ZNF704: variants seen among roughly 807,000 people sequenced by gnomAD.
ZNF704 encodes the protein zinc finger protein 704.
Under a neutral mutation model 44.7 loss-of-function variants are expected in ZNF704, and 10 were observed. That is an observed-to-expected ratio of 0.22 (90% CI 0.14 to 0.38). ZNF704 has a LOEUF of 0.38. ZNF704 is among the 10% of genes least tolerant of loss of function. ZNF704 has a pLI of 1.00. For missense variants in ZNF704, 390 were observed against 545.5 expected (o/e 0.71, Z 2.84); for synonymous variants, 211 against 207.6 (o/e 1.02, Z -0.14).
chr8:80,665,099 T>C lies in ZNF704; in HGVS notation c.660-17A>G, dbSNP rs2131610409. 6.2e-7 allele frequency: 1 copy of C among 1,611,828 alleles called. No individual in the cohort carries two copies. The highest frequency in any genetic ancestry group is 8.5e-7 in the Non-Finnish European group (1 of 1,178,112). ...CCAACGCGCCTAATGCAAAAGAGAG[T>C]AAAACAATCATACTAAGCCAATCTG... On this transcript the variant is annotated splice_polypyrimidine_tract_variant and intron_variant, in intron 5 of 8. Transcript: ENST00000327835.
chr8:80,876,855 A>T (rs1194346966), upstream of ZNF704, among the ~76,000 whole-genome samples: 3 of 152,206 alleles, frequency 2.0e-5, no homozygotes, highest in Non-Finnish European at 4.4e-5. Flanking sequence ...AAGCTCAGTA[A>T]TGTCAGTAAC....
At chr8:80,702,184 C>A (rs925054631) in intron 2 of ZNF704, among the ~76,000 whole-genome samples, 3 of 152,066 alleles carry the variant, frequency 2.0e-5, no homozygotes, top group Non-Finnish European at 4.4e-5. Flanking sequence ...GTGAGGAGAA[C>A]AAAGATGGGC....
intron 1 of ZNF704, among the ~76,000 whole-genome samples, chr8:80,850,161 AT>A (rs1275370471): frequency 1.3e-5 from 2 of 152,176 alleles, no homozygotes; most frequent in Non-Finnish European, 2.9e-5. Context: ...ATTATGGTTC[AT>A]TTTAAAAATT....
At position 80,874,283 on chromosome 8, in the gene ZNF704, G is replaced by A. The variant is rs1809321782; in HGVS notation, c.-22+288C>T. 6.9e-6 allele frequency among the ~76,000 whole-genome samples: 1 copy of A among 144,958 alleles called. No homozygotes were observed. Among genetic ancestry groups the A allele is most frequent in the Non-Finnish European group, 1.5e-5 (1 of 65,320 alleles). The stretch of plus-strand genomic sequence containing the variant: ...TACGGCGGGGCGGCGCGGCGGCCGC[G>A]GGCGGGGGTGGGTGTGAGCGAGCGG... On this transcript the variant is annotated intron_variant, in intron 1 of 8. Transcript: ENST00000327835. This position sits in a 1 kb window ranked among gnomAD's most constrained non-coding sequence, Gnocchi z 4.4.
chr8:80,756,981 A>G (rs1254931988), intron 2 of ZNF704, among the ~76,000 whole-genome samples: 1 of 152,232 alleles, frequency 6.6e-6, no homozygotes, highest in Non-Finnish European at 1.5e-5. Context: ...GTCCTTCCAT[A>G]TGCAGTCATG....
intron 2 of ZNF704, among the ~76,000 whole-genome samples, chr8:80,711,895 G>A (rs946032015): frequency 6.6e-6 from 1 of 152,318 alleles, no homozygotes; most frequent in African/African-American, 2.4e-5. Context: ...ATAGTATCTA[G>A]CAGGACAGAC....
chr8:80,805,756 T>C (rs1027416610), intron 2 of ZNF704, among the ~76,000 whole-genome samples: 1 of 152,190 alleles, frequency 6.6e-6, no homozygotes, highest in Admixed American at 6.5e-5. Flanking sequence ...AAAAGTGCCC[T>C]GTTATTTCCT....
At chr8:80,657,706 AAAAAG>A (rs1470557719) in intron 7 of ZNF704, among the ~76,000 whole-genome samples, 1 of 152,036 alleles carries the variant, frequency 6.6e-6, no homozygotes, top group African/African-American at 2.4e-5. Flanking sequence ...AAAAAAAAAA[AAAAAG>A]CTCACATAGG....
At chr8:80,684,421 A>T (rs1005914101) in intron 4 of ZNF704, among the ~76,000 whole-genome samples, 1 of 152,228 alleles carries the variant, frequency 6.6e-6, no homozygotes, top group Non-Finnish European at 1.5e-5. Flanking sequence ...ATTGATTCAC[A>T]ACCCTCTGGT....
At position 80,632,294 on chromosome 8, in the gene ZNF704, G is replaced by C. The variant is rs1278839633; in HGVS notation, c.*9072C>G. The stretch of plus-strand genomic sequence containing the variant: ...CCTGCCTCAGCCTCTCAAGTAGCTG[G>C]AATTACAGGTGTGCGCCACCACGCC... On this transcript the variant is annotated 3_prime_UTR_variant, in exon 9 of 9. Transcript: ENST00000327835. 1.3e-5 allele frequency: 2 copies of C among 152,180 alleles called. No homozygotes were observed. Among genetic ancestry groups the C allele is most frequent in the African/African-American group, 2.4e-5 (1 of 41,422 alleles). 9.4% of individuals were successfully genotyped at this position (152,180 alleles called of 1,614,324 possible).
intron 2 of ZNF704, among the ~76,000 whole-genome samples, chr8:80,741,145 C>T (rs569226979): frequency 1.8e-4 from 28 of 152,302 alleles, no homozygotes; most frequent in African/African-American, 1.9e-4. Context: ...AGGCTTCTGC[C>T]GAATATGGAT....
chr8:80,804,183 G>A (rs556193360), intron 2 of ZNF704, among the ~76,000 whole-genome samples: 1 of 152,238 alleles, frequency 6.6e-6, no homozygotes, highest in South Asian at 2.1e-4. Context: ...AACAATAGAT[G>A]CTGGTGAGGT....
chr8:80,757,019 T>C lies in ZNF704; in HGVS notation c.222-63912A>G, dbSNP rs192167508. On this transcript the variant is annotated intron_variant, in intron 2 of 8. Transcript: ENST00000327835. Reference sequence around the variant, plus strand: ...CCATGGTGGTCTTGTAAGATTATAATAGAGCTGAAAAATTCCTATTGACTA... The same window carrying C: ...CCATGGTGGTCTTGTAAGATTATAACAGAGCTGAAAAATTCCTATTGACTA... 5.9e-5 allele frequency among the ~76,000 whole-genome samples: 9 copies of C among 152,268 alleles called. No individual in the cohort carries two copies. In the South Asian group the frequency reaches 6.2e-4, roughly 10 times the overall value.
At chr8:80,863,946 C>T (rs909093063) in intron 1 of ZNF704, among the ~76,000 whole-genome samples, 2 of 152,224 alleles carry the variant, frequency 1.3e-5, no homozygotes, top group East Asian at 3.9e-4. Flanking sequence ...TCCCTTGGCA[C>T]TTTTAAATTC....
intron 1 of ZNF704, among the ~76,000 whole-genome samples, chr8:80,841,982 C>A (rs1008658104): frequency 1.3e-5 from 2 of 151,996 alleles, no homozygotes; most frequent in Non-Finnish European, 2.9e-5. Flanking sequence ...TTTTTTCTAG[C>A]GATTGGGTCT....
chr8:80,739,980 G>A (rs1215968921), intron 2 of ZNF704, among the ~76,000 whole-genome samples: 1 of 152,110 alleles, frequency 6.6e-6, no homozygotes, highest in Admixed American at 6.5e-5. Flanking sequence ...CACCCTCACA[G>A]AACCCCGGGT....
rs147456146 is a variant in ZNF704, at chr8:80,770,193, A to G, written c.221+51181T>C. On this transcript the variant is annotated intron_variant, in intron 2 of 8. Coordinates refer to ENST00000327835, the MANE Select transcript of ZNF704 (RefSeq NM_001033723.3). ...ATTTCAGTGGGGACATAGCCAAATC[A>G]TATCAGTAACCTCTTGTAAAACCAC... Among the ~76,000 whole-genome samples, 536 of 152,314 alleles carry G rather than the reference A, an allele frequency of 3.5e-3. 1 individual carries two copies. Among genetic ancestry groups the G allele is most frequent in the Non-Finnish European group, 6.1e-3 (418 of 68,012 alleles).
chr8:80,795,725 A>C (rs1022064546), intron 2 of ZNF704, among the ~76,000 whole-genome samples: 1 of 152,130 alleles, frequency 6.6e-6, no homozygotes, highest in Non-Finnish European at 1.5e-5. Flanking sequence ...TCTCAAAAAA[A>C]AAAAAAAAAA....
intron 4 of ZNF704, among the ~76,000 whole-genome samples, chr8:80,675,570 G>T (rs946525626): frequency 1.3e-5 from 2 of 152,088 alleles, no homozygotes; most frequent in African/African-American, 4.8e-5. Context: ...AGAAGAGATG[G>T]TGGCTTAGAG....
Sources: gnomAD v4.1 joint callset for allele counts (sites outside exome capture counted in the v4.1 genomes callset) on GRCh38, gnomAD v4.1.1 for gene constraint, Gnocchi (gnomAD v3.1) non-coding constraint, MANE v1.5 for transcripts, NCBI Gene and HGNC (gene_info 2026-07-23, HGNC 2026-07-21) for gene names.